The following ZNF571 variants were observed in gnomAD, a reference collection of about 807,000 sequenced individuals.
ZNF571 encodes zinc finger protein 571.
Under a neutral mutation model 7.7 loss-of-function variants are expected in ZNF571, and 4 were observed. That is an observed-to-expected ratio of 0.52 (90% CI 0.25 to 1.18). The LOEUF is 1.18. ZNF571 is among the 50% of genes most tolerant of loss of function. The pLI is 0.14. For synonymous variants in ZNF571, 251 were observed against 232.4 expected, an observed-to-expected ratio of 1.08 and a Z score of -0.73; for missense variants, 704 against 726.9, an observed-to-expected ratio of 0.97 and a Z score of 0.36.
At chr19:37,572,400 C>T (rs2043093311) in intron 3 of ZNF571, among the ~76,000 whole-genome samples, 3 of 152,192 alleles carry the variant, frequency 2.0e-5, no homozygotes, top group African/African-American at 7.2e-5. Context: ...AAATCTCACA[C>T]CATCCTACTC....
At chr19:37,578,479 G>C (rs911037167) in intron 3 of ZNF571, among the ~76,000 whole-genome samples, 1 of 152,184 alleles carries the variant, frequency 6.6e-6, no homozygotes, top group African/African-American at 2.4e-5. Context: ...GCCACCTAGA[G>C]TTTTTGCAGA....
At chr19:37,594,431 C>T (rs2291001) in intron 1 of ZNF571, 39,804 of 152,252 alleles carry the variant, frequency 0.26, 6,366 homozygotes, top group Non-Finnish European at 0.37. Context: ...TTCTAGCCTC[C>T]CTATCCCAAA....
At position 37,565,638 on chromosome 19, in the gene ZNF571, A is replaced by G. The variant is rs771625106; in HGVS notation, c.790T>C (p.Ser264Pro). 6.2e-7 allele frequency: 1 copy of G among 1,613,206 alleles called. No individual in the cohort carries two copies. The highest frequency in any genetic ancestry group is 8.5e-7 in the Non-Finnish European group (1 of 1,179,678). Residue 264 changes from serine (S) to proline (P), a missense_variant, in exon 4 of 4, where the codon TCA becomes CCA. Transcript: ENST00000451802. ...ATTCTCTGATGAAGAGTATATTGTG[A>G]ACAATAACTAAAGGCTTTTCCACAT... is the stretch of plus-strand genomic sequence containing the variant. ...KKCGKAFSYC[S>P]QYTLHQRIHS...
rs1391805589 is a variant in ZNF571 at position 37,583,803 on chromosome 19, A to T, written c.136+168T>A. 3 of 599,014 alleles carry T rather than the reference A, an allele frequency of 5.0e-6. No individual in the cohort carries two copies. In the African/African-American group the frequency reaches 5.6e-5, roughly 11 times the overall value. The allele number at this position is 599,014 out of a possible 1,614,324, so 37.1% of individuals were successfully genotyped here. On this transcript the variant is annotated intron_variant, in intron 3 of 3. Transcript: ENST00000451802. ...CACTGACAGGAAGTGACAGAGAAAG[A>T]TGTGACAGTCTAAAGGATAAGAGAT...
Position 37,591,716 on chromosome 19 carries a change from G to A in ZNF571, c.-70+3025C>T, listed in dbSNP as rs149851411. The stretch of plus-strand genomic sequence containing the variant: ...TGTGCCACCATGCCCAGCTAATTTT[G>A]TATTTTTAGTAGAGACGGGGTTTCT... On this transcript the variant is annotated intron_variant, in intron 1 of 3. Transcript: ENST00000451802. Among the ~76,000 whole-genome samples the A allele has an allele frequency of 3.5e-3, 528 of 152,008 alleles. 4 individuals carry two copies. The highest frequency in any genetic ancestry group is 0.012 in the African/African-American group (508 of 41,488).
Position 37,565,708 on chromosome 19 carries a change from T to C in ZNF571, c.720A>G (p.Glu240=). The C allele has an allele frequency of 6.2e-7, 1 of 1,613,942 alleles. No homozygotes were observed. Among genetic ancestry groups the C allele is most frequent in the South Asian group, 1.1e-5 (1 of 91,076 alleles). Residue 240 remains glutamate (E), a synonymous_variant, in exon 4 of 4, where the codon GAA becomes GAG. Transcript: ENST00000451802. ...TCTCTCCTGTATGAACTCTCTGATG[T>C]TCAGTGAGCTGTGAACCACGAATAA... ...KAFIRGSQLT[E]HQRVHTGEKP...
At chr19:37,581,073 C>T (rs2043440035) in intron 3 of ZNF571, among the ~76,000 whole-genome samples, 1 of 152,034 alleles carries the variant, frequency 6.6e-6, no homozygotes, top group Admixed American at 6.6e-5. Flanking sequence ...TGAAATATGC[C>T]TATTCTTAAA....
chr19:37,580,330 A>G (rs2043409392), intron 3 of ZNF571, among the ~76,000 whole-genome samples: 1 of 152,250 alleles, frequency 6.6e-6, no homozygotes, highest in Admixed American at 6.5e-5. Flanking sequence ...TGCAGTCTTC[A>G]CCATCACAGG....
In ZNF571 at chr19:37,564,495, T is replaced by C. The variant is rs1281027190; in HGVS notation, c.*103A>G. The C allele has an allele frequency of 1.8e-6, 2 of 1,119,644 alleles. No homozygotes were observed. The highest frequency in any genetic ancestry group is 1.2e-6 in the Non-Finnish European group (1 of 832,734). The allele number at this position is 1,119,644 out of a possible 1,614,324, so 69.4% of individuals were successfully genotyped here. A position where few individuals can be genotyped will look rare whatever the true frequency, so the allele number is the denominator to read the frequency against. On this transcript the variant is annotated 3_prime_UTR_variant, in exon 4 of 4. Coordinates refer to ENST00000451802, the MANE Select transcript of ZNF571 (RefSeq NM_016536.5). The stretch of plus-strand genomic sequence containing the variant: ...TCTGCATCCATGTTAATGTAGGCCT[T>C]CTAAGAATGAGCAGATTCTGAGCAG...
At position 37,571,578 on chromosome 19, in the gene ZNF571, T is replaced by G. The variant is rs914945204; in HGVS notation, c.137-5287A>C. Among the ~76,000 whole-genome samples the G allele has an allele frequency of 3.3e-5, 5 of 152,326 alleles. 1 individual carries two copies. The highest frequency in any genetic ancestry group is 3.4e-3 in the Middle Eastern group (1 of 294). On this transcript the variant is annotated intron_variant, in intron 3 of 3. Coordinates refer to ENST00000451802, the MANE Select transcript of ZNF571 (RefSeq NM_016536.5). ...ACCATACACAAGGTTCCCCAACTTA[T>G]GATACTTAGACTTAAGATTTTTCAA...
chr19:37,594,542 A>G (rs1219041994), intron 1 of ZNF571, 199 bp downstream of exon 1: 1 of 152,452 alleles, frequency 6.6e-6, no homozygotes, highest in Non-Finnish European at 1.5e-5. Flanking sequence ...CGCCACTGCC[A>G]GAACCAAAGT....
chr19:37,578,740 C>G (rs1028198316), intron 3 of ZNF571, among the ~76,000 whole-genome samples: 2 of 152,080 alleles, frequency 1.3e-5, no homozygotes. Context: ...TCCCAGATAG[C>G]AGACCATGCA....
In ZNF571 at chr19:37,565,105, A is replaced by G. The variant is rs2042803270; in HGVS notation, c.1323T>C (p.His441=). ...TACATTCAAAGGGTTTCTCACCTGT[A>G]TGAATTCTCTGATGTTCACTAAGTT... ...GKQLSEHQRI[H]TGEKPFECKE... Residue 441 remains histidine (H), a synonymous_variant, in exon 4 of 4, where the codon CAT becomes CAC. Coordinates refer to ENST00000451802, the MANE Select transcript of ZNF571 (RefSeq NM_016536.5). The G allele has an allele frequency of 5.0e-6, 8 of 1,612,968 alleles. No individual in the cohort carries two copies. Among genetic ancestry groups the G allele is most frequent in the Admixed American group, 1.7e-5 (1 of 59,952 alleles).
Position 37,564,946 on chromosome 19 carries a change from T to C in ZNF571, c.1482A>G (p.Arg494=), listed in dbSNP as rs2042794349. The C allele has an allele frequency of 6.2e-7, 1 of 1,613,824 alleles. No individual in the cohort carries two copies. The highest frequency in any genetic ancestry group is 1.1e-5 in the South Asian group (1 of 91,068). Residue 494 remains arginine (R), a synonymous_variant, in exon 4 of 4, where the codon AGA becomes AGG. Transcript: ENST00000451802. ...TGTAGGGCTTTTCACCTGTATGAAT[T>C]CTTTGATGATATGTAAGTTGTGTAG... The part of the protein sequence containing the change: ...VRATQLTYHQ[R]IHTGEKPYKC...
At chr19:37,590,153 T>A (rs1018293952) in intron 1 of ZNF571, among the ~76,000 whole-genome samples, 1 of 151,874 alleles carries the variant, frequency 6.6e-6, no homozygotes, top group Non-Finnish European at 1.5e-5. Context: ...ATGCCTGTAA[T>A]CCCAGCACTT....
intron 1 of ZNF571, among the ~76,000 whole-genome samples, chr19:37,592,345 A>C (rs1347366418): frequency 6.6e-6 from 1 of 152,200 alleles, no homozygotes; most frequent in Non-Finnish European, 1.5e-5. Context: ...TTTCACGGTC[A>C]TATCCCTAGG....
Position 37,564,761 on chromosome 19 carries a change from T to G in ZNF571, c.1667A>C (p.Lys556Thr). The part of the protein sequence containing the change: ...TEHLRTHTGE[K>T]PYECKECGRA... Reference sequence around the variant, plus strand: ...CCCACATTCCTTACATTCATAGGGTTTCTCTCCAGTATGAGTTCTCAGATG... The same window carrying G: ...CCCACATTCCTTACATTCATAGGGTGTCTCTCCAGTATGAGTTCTCAGATG... The change falls in exon 4 of 4, where the codon AAA (lysine) becomes ACA (threonine). Residue 556 changes from lysine to threonine, a missense_variant. Physicochemically the swap from Lys to Thr is moderately conservative, Grantham distance 78. Coordinates refer to ENST00000451802, the MANE Select transcript of ZNF571 (RefSeq NM_016536.5). 2 of 1,613,812 alleles carry G rather than the reference T, an allele frequency of 1.2e-6. No homozygotes were observed. Among genetic ancestry groups the G allele is most frequent in the Non-Finnish European group, 1.7e-6 (2 of 1,179,786 alleles).
At chr19:37,590,041 A>T (rs1382922399) in intron 1 of ZNF571, among the ~76,000 whole-genome samples, 2 of 151,942 alleles carry the variant, frequency 1.3e-5, no homozygotes, top group African/African-American at 4.8e-5. Flanking sequence ...GACTAAAGAG[A>T]TGATTTAATT....
At position 37,564,803 on chromosome 19, in the gene ZNF571, C is replaced by T. The variant is rs200742684; in HGVS notation, c.1625G>A (p.Gly542Asp). 1 of 1,613,852 alleles carries T rather than the reference C, an allele frequency of 6.2e-7. No individual in the cohort carries two copies. The highest frequency in any genetic ancestry group is 8.5e-7 in the Non-Finnish European group (1 of 1,179,882). Residue 542 changes from glycine to aspartate, a missense_variant, in exon 4 of 4, where the codon GGC (glycine) becomes GAC (aspartate). Transcript: ENST00000451802. ...CKQCGKAFIR[G>D]SHLTEHLRTH... is the part of the protein sequence containing the mutation. ...TCTCAGATGTTCAGTAAGGTGTGAG[C>T]CACGAATAAAAGCCTTCCCACACTG...
Sources: allele counts gnomAD v4.1 joint callset (sites outside exome capture counted in the v4.1 genomes callset), GRCh38; gene constraint gnomAD v4.1.1; transcripts MANE v1.5; gene names NCBI Gene and HGNC (gene_info 2026-07-23, HGNC 2026-07-21).